Variants in PRKG1 observed in about 807,000 individuals in gnomAD.
PRKG1 encodes cGMP-dependent protein kinase 1.
Under a neutral mutation model 88.1 loss-of-function variants are expected in PRKG1, and 35 were observed. The ratio of observed to expected loss-of-function variants is 0.40; its 90% confidence interval spans 0.30 to 0.53. PRKG1 has a LOEUF of 0.53. Ranked by LOEUF, PRKG1 falls within the 20% of genes least tolerant of loss-of-function variation. The pLI, the probability that PRKG1 is intolerant of heterozygous loss-of-function variation, is 0.59. For synonymous variants in PRKG1, 303 were observed against 292.5 expected, an observed-to-expected ratio of 1.04 and a Z score of -0.37; for missense variants, 540 against 839.8, an observed-to-expected ratio of 0.64 and a Z score of 4.41.
At chr10:51,925,972 C>T (rs140212752) in intron 5 of PRKG1, among the ~76,000 whole-genome samples, 99 of 152,236 alleles carry the variant, frequency 6.5e-4, no homozygotes, top group Middle Eastern at 3.4e-3. Flanking sequence ...CCATCTAAAG[C>T]ACTTAGCACA....
At chr10:51,419,558 C>T (rs369024954) in intron 2 of PRKG1, among the ~76,000 whole-genome samples, 2 of 152,108 alleles carry the variant, frequency 1.3e-5, no homozygotes, top group South Asian at 2.1e-4. Context: ...CCAATGCATT[C>T]TAAGAGCTAT....
At chr10:51,138,675 GTTT>G (rs71459405) in intron 1 of PRKG1, among the ~76,000 whole-genome samples, 1 of 68,532 alleles carries the variant, frequency 1.5e-5, no homozygotes, top group South Asian at 6.0e-4. Context: ...ATTGAGTTTT[GTTT>G]TTTTTTTTTT....
At chr10:51,082,593 G>A (rs1844141481) in intron 1 of PRKG1, among the ~76,000 whole-genome samples, 1 of 151,980 alleles carries the variant, frequency 6.6e-6, no homozygotes, top group Non-Finnish European at 1.5e-5. Context: ...GAGTGTGTGT[G>A]TTTGTTGTGT....
chr10:51,569,028 A>G (rs1244550557), intron 3 of PRKG1, among the ~76,000 whole-genome samples: 1 of 149,114 alleles, frequency 6.7e-6, no homozygotes, highest in Non-Finnish European at 1.5e-5. Flanking sequence ...AGAAACTATT[A>G]CAATATAATA....
At chr10:51,474,870 T>G (rs2132831262) in intron 3 of PRKG1, among the ~76,000 whole-genome samples, 1 of 152,098 alleles carries the variant, frequency 6.6e-6, no homozygotes, top group Admixed American at 6.6e-5. Context: ...AAGACTGCTT[T>G]GCTTATGAGA....
chr10:51,465,921 T>C (rs1839894347), intron 2 of PRKG1, among the ~76,000 whole-genome samples: 2 of 152,328 alleles, frequency 1.3e-5, no homozygotes, highest in South Asian at 4.1e-4. Flanking sequence ...TTAAGAATTT[T>C]ACCTGCTTTA....
chr10:51,991,382 A>AT (rs1000789176), intron 5 of PRKG1, among the ~76,000 whole-genome samples: 23 of 150,022 alleles, frequency 1.5e-4, no homozygotes, highest in African/African-American at 3.2e-4. Flanking sequence ...TCTTTTCCAG[A>AT]TTTTTTTTTT....
At chr10:51,970,819 A>G (rs930689362) in intron 5 of PRKG1, among the ~76,000 whole-genome samples, 7 of 143,778 alleles carry the variant, frequency 4.9e-5, no homozygotes, top group African/African-American at 1.8e-4. Flanking sequence ...TGATGTGTAT[A>G]TATATATATG....
chr10:51,542,428 G>GAC (rs1280217883), intron 3 of PRKG1, among the ~76,000 whole-genome samples: 1 of 152,252 alleles, frequency 6.6e-6, no homozygotes, highest in East Asian at 1.9e-4. Flanking sequence ...GGCTTGGAGA[G>GAC]ATTTAGTGCC....
intron 3 of PRKG1, among the ~76,000 whole-genome samples, chr10:51,607,204 T>G (rs1838789263): frequency 6.6e-6 from 1 of 152,216 alleles, no homozygotes; most frequent in African/African-American, 2.4e-5. Context: ...ACTAATTTGG[T>G]GTGGATACTT....
At chr10:52,118,942 A>G (rs1169856019) in intron 7 of PRKG1, among the ~76,000 whole-genome samples, 1 of 152,056 alleles carries the variant, frequency 6.6e-6, no homozygotes, top group Non-Finnish European at 1.5e-5. Flanking sequence ...TAAAATCTCA[A>G]TTTTAATTTT....
intron 2 of PRKG1, among the ~76,000 whole-genome samples, chr10:51,214,663 A>G (rs1374342191): frequency 2.6e-5 from 4 of 151,762 alleles, no homozygotes; most frequent in Admixed American, 6.6e-5. Context: ...TATTTTGTAG[A>G]GACGGTGTCT....
intron 3 of PRKG1, among the ~76,000 whole-genome samples, chr10:51,753,298 G>A (rs991146086): frequency 3.1e-4 from 47 of 152,036 alleles, no homozygotes; most frequent in African/African-American, 1.1e-3. Context: ...TTGAAAAGAT[G>A]AGAATTTCTA....
At chr10:51,724,790 G>T (rs954707244) in intron 3 of PRKG1, among the ~76,000 whole-genome samples, 3 of 151,182 alleles carry the variant, frequency 2.0e-5, no homozygotes, top group Non-Finnish European at 4.4e-5. Context: ...AACTTCCTGG[G>T]CTCTCAATCC....
At chr10:51,391,106 A>C (rs1000378466) in intron 2 of PRKG1, among the ~76,000 whole-genome samples, 1 of 152,180 alleles carries the variant, frequency 6.6e-6, no homozygotes, top group African/African-American at 2.4e-5. Context: ...GGAGGAGTGC[A>C]AATTTGGCTT....
chr10:51,930,964 T>A (rs553995115), intron 5 of PRKG1, among the ~76,000 whole-genome samples: 3 of 152,324 alleles, frequency 2.0e-5, no homozygotes, highest in Non-Finnish European at 2.9e-5. Flanking sequence ...ATTGACAGTA[T>A]ACTGGAAGTG....
At chr10:51,813,031 A>C (rs1839496377) in intron 4 of PRKG1, among the ~76,000 whole-genome samples, 1 of 152,186 alleles carries the variant, frequency 6.6e-6, no homozygotes, top group Non-Finnish European at 1.5e-5. Flanking sequence ...TTCCTGGGCC[A>C]AATGTGTTGT....
At chr10:52,100,824 TG>T (rs1429686957) in intron 7 of PRKG1, among the ~76,000 whole-genome samples, 1 of 152,232 alleles carries the variant, frequency 6.6e-6, no homozygotes, top group African/African-American at 2.4e-5. Flanking sequence ...TATTACTAAC[TG>T]GAGTTTTATG....
In PRKG1 at chr10:51,181,333, C is replaced by T. The variant is rs553485641; in HGVS notation, c.478+28003C>T. On this transcript the variant is annotated intron_variant, in intron 2 of 17. Coordinates refer to ENST00000373980, the MANE Select transcript of PRKG1 (RefSeq NM_006258.4). ...CTCGGCTCACTGCAAGCTCCGCTTC[C>T]CGGGTTCACGCCATTCTCCTGCCTC... is the stretch of plus-strand genomic sequence containing the variant. Among the ~76,000 whole-genome samples the T allele has an allele frequency of 1.8e-3, 260 of 144,542 alleles. 3 individuals are homozygous for T. The highest frequency in any genetic ancestry group is 6.7e-3 in the African/African-American group (258 of 38,628). 94.8% of individuals were successfully genotyped at this position (144,542 alleles called of 152,430 possible).
Sources: allele counts gnomAD v4.1 joint callset (sites outside exome capture counted in the v4.1 genomes callset), GRCh38; gene constraint gnomAD v4.1.1; transcripts MANE v1.5; gene names NCBI Gene and HGNC (gene_info 2026-07-23, HGNC 2026-07-21).